DNAH6: variants seen among roughly 807,000 people sequenced by gnomAD.
DNAH6 encodes the protein dynein axonemal heavy chain 6.
Under a neutral mutation model 491.4 loss-of-function variants are expected in DNAH6, and 340 were observed. The observed-to-expected ratio is 0.69, with a 90% CI of 0.63 to 0.76. The LOEUF (loss-of-function observed/expected upper bound fraction) is 0.76, where lower values mean the gene tolerates loss of function less well. Among genes scored for constraint, DNAH6 ranks in the 30% least tolerant of loss-of-function variants. The pLI is 0.00. For synonymous variants in DNAH6, 1,603 were observed against 1,686.1 expected (o/e 0.95, Z 1.21); for missense variants, 4,443 against 4,972.2 (o/e 0.89, Z 3.20).
intron 62 of DNAH6, among the ~76,000 whole-genome samples, chr2:84,744,261 A>G (rs1278965323): frequency 6.6e-6 from 1 of 152,242 alleles, no homozygotes; most frequent in Non-Finnish European, 1.5e-5. Flanking sequence ...CCTAACGGCC[A>G]ACCCAAGAAA....
chr2:84,591,499 A>G (rs1295001656), intron 16 of DNAH6, among the ~76,000 whole-genome samples: 1 of 152,202 alleles, frequency 6.6e-6, no homozygotes, highest in Admixed American at 6.5e-5. Flanking sequence ...TTCATTGATT[A>G]AAAGACTTAA....
chr2:84,793,729 A>G (rs1380783987), intron 68 of DNAH6, among the ~76,000 whole-genome samples: 1 of 152,198 alleles, frequency 6.6e-6, no homozygotes, highest in Admixed American at 6.5e-5. Context: ...CAACTTAACC[A>G]TCAGCCCTGG....
intron 62 of DNAH6, among the ~76,000 whole-genome samples, chr2:84,734,382 C>T (rs994954135): frequency 3.9e-5 from 6 of 151,954 alleles, no homozygotes; most frequent in African/African-American, 1.5e-4. Context: ...CCTCATGATC[C>T]GCCTGCCTCG....
At chr2:84,542,502 G>A (rs1275268044) in intron 4 of DNAH6, among the ~76,000 whole-genome samples, 5 of 152,068 alleles carry the variant, frequency 3.3e-5, no homozygotes, top group Admixed American at 1.3e-4. Context: ...GGTAAAAGCC[G>A]AGCAGGTTGA....
chr2:84,588,983 A>G, intron 16 of DNAH6, 29 bp downstream of exon 16: 1 of 1,529,210 alleles, frequency 6.5e-7, no homozygotes, highest in Non-Finnish European at 8.8e-7. Context: ...CATCTGTCTT[A>G]GAAATGTGTG....
intron 59 of DNAH6, 131 bp from the exon 60 acceptor site, chr2:84,722,494 G>A (rs979874970): frequency 2.8e-6 from 2 of 712,454 alleles, no homozygotes; most frequent in African/African-American, 3.7e-5. Flanking sequence ...GTTCCACCTG[G>A]GGACCCCTTA....
chr2:84,712,460 T>G (rs1160059092), intron 56 of DNAH6, among the ~76,000 whole-genome samples: 1 of 152,130 alleles, frequency 6.6e-6, no homozygotes, highest in Non-Finnish European at 1.5e-5. Flanking sequence ...CTACCAACAG[T>G]CAGATTTGCT....
At chr2:84,778,974 T>G (rs571632156) in intron 64 of DNAH6, among the ~76,000 whole-genome samples, 7 of 152,356 alleles carry the variant, frequency 4.6e-5, no homozygotes, top group African/African-American at 1.7e-4. Context: ...ATGGTATTGA[T>G]TTCTATTTTA....
chr2:84,606,722 C>G (rs1685808354), intron 20 of DNAH6, among the ~76,000 whole-genome samples: 1 of 152,052 alleles, frequency 6.6e-6, no homozygotes, highest in African/African-American at 2.4e-5. Context: ...CAAACAAAAA[C>G]TTGTGCCATT....
At chr2:84,699,005 C>G (rs1695636189) in intron 47 of DNAH6, among the ~76,000 whole-genome samples, 1 of 151,972 alleles carries the variant, frequency 6.6e-6, no homozygotes, top group African/African-American at 2.4e-5. Context: ...AAGTTGGGAA[C>G]AATAGACAAC....
chr2:84,694,420 G>T lies in DNAH6; in HGVS notation c.7464G>T (p.Lys2488Asn). ...ATAGTTTTCATGAAGACCTGAGGAA[G>T]TTGTACAAAATGGCTGGTGTAGAAG... is the stretch of plus-strand genomic sequence containing the variant. ...NYDSFHEDLR[K>N]LYKMAGVEDK... is the part of the protein sequence containing the mutation. The change falls in exon 46 of 77, where the codon AAG (lysine) becomes AAT (asparagine). Residue 2488 changes from lysine to asparagine, a missense_variant. Lys to Asn is a moderately conservative substitution (Grantham distance 94, BLOSUM62 0). Around this residue, in one of 3 missense-constraint regions of DNAH6, gnomAD observed 2,977 missense variants for 3,296.6 expected, o/e 0.90. Transcript: ENST00000389394. 1 of 1,552,252 alleles carries T rather than the reference G, an allele frequency of 6.4e-7. No individual in the cohort carries two copies. Among genetic ancestry groups the T allele is most frequent in the Non-Finnish European group, 8.7e-7 (1 of 1,147,120 alleles).
chr2:84,665,798 A>T lies in DNAH6; in HGVS notation c.6085-3491A>T, dbSNP rs188811836. Among the ~76,000 whole-genome samples the T allele has an allele frequency of 8.2e-3, 1,256 of 152,272 alleles. 10 individuals carry two copies. The highest frequency in any genetic ancestry group is 0.013 in the Non-Finnish European group (916 of 68,010). The stretch of plus-strand genomic sequence containing the variant: ...CAAAGCCTGGCAGAGACACACACAA[A>T]AAAAGAGAATTTTAGACCAATATCC... On this transcript the variant is annotated intron_variant, in intron 37 of 76. Coordinates refer to ENST00000389394, the MANE Select transcript of DNAH6 (RefSeq NM_001370.2).
intron 42 of DNAH6, among the ~76,000 whole-genome samples, chr2:84,683,937 A>G (rs1400332783): frequency 3.9e-5 from 6 of 152,128 alleles, no homozygotes; most frequent in Admixed American, 3.9e-4. Context: ...ATGCTGGCCC[A>G]TGGCAGGAGC....
At chr2:84,686,290 TTCTTAA>T (rs1395748004) in intron 43 of DNAH6, among the ~76,000 whole-genome samples, 188 bp from the exon 44 acceptor site, 9 of 152,248 alleles carry the variant, frequency 5.9e-5, no homozygotes, top group African/African-American at 1.7e-4. Flanking sequence ...TTGTTAAGTA[TTCTTAA>T]TCTTAAACTT....
At chr2:84,655,330 G>A (rs1204290544) in intron 35 of DNAH6, among the ~76,000 whole-genome samples, 1 of 152,078 alleles carries the variant, frequency 6.6e-6, no homozygotes, top group African/African-American at 2.4e-5. Context: ...GTGAAGGAAA[G>A]CTTATACATT....
At position 84,701,647 on chromosome 2, in the gene DNAH6, CAA is replaced by C. The variant is rs1239627225; in HGVS notation, c.8061+309_8061+310del. Among the ~76,000 whole-genome samples the C allele has an allele frequency of 3.9e-5, 6 of 152,050 alleles. No individual in the cohort carries two copies. In the South Asian group the frequency reaches 1.0e-3, roughly 26 times the overall value. On this transcript the variant is annotated intron_variant, in intron 49 of 76. Coordinates refer to ENST00000389394, the MANE Select transcript of DNAH6 (RefSeq NM_001370.2). ...ACATTTTATGTGGCAAGAGCAGGAG[CAA>C]GAGAGAGAGGGGGGTGGTGCCACAC...
the DNAH6 span, among the ~76,000 whole-genome samples, chr2:84,495,802 A>G: frequency 6.6e-6 from 1 of 152,210 alleles, no homozygotes; most frequent in African/African-American, 2.4e-5. Flanking sequence ...ACTTATGCCA[A>G]CACTTAAGAG....
intron 4 of DNAH6, 75 bp from the exon 5 acceptor site, chr2:84,544,146 TATCTCTGTAGAA>T: frequency 5.9e-6 from 4 of 673,476 alleles, no homozygotes; most frequent in Admixed American, 3.6e-5. Flanking sequence ...AGAAATGTTT[TATCTCTGTAGAA>T]TAAAAAAGCA....
intron 14 of DNAH6, among the ~76,000 whole-genome samples, chr2:84,579,995 AGATCACAAACATGTATGGAT>A (rs1177143600): frequency 6.6e-6 from 1 of 152,248 alleles, no homozygotes; most frequent in Non-Finnish European, 1.5e-5. Context: ...GTGTGATCCG[AGATCACAAACATGTATGGAT>A]GTGATAGAGT....
Sources: allele counts gnomAD v4.1 joint callset (sites outside exome capture counted in the v4.1 genomes callset), GRCh38; gene constraint gnomAD v4.1.1; regional missense constraint gnomAD v4.1.1; transcripts MANE v1.5; gene names NCBI Gene and HGNC (gene_info 2026-07-23, HGNC 2026-07-21).